Variants in NBPF3 observed in about 807,000 individuals in gnomAD.
The protein encoded by NBPF3 is NBPF member 3.
NBPF3 carries 57 observed loss-of-function variants against 78.1 expected under a neutral mutation model. The observed-to-expected ratio is 0.73, with a 90% CI of 0.59 to 0.91. NBPF3 has a LOEUF of 0.91. NBPF3 is among the 40% of genes least tolerant of loss of function. The probability of loss-of-function intolerance (pLI) is 0.00; values close to 1 mark genes in which losing one functional copy is unlikely to be tolerated. For missense variants in NBPF3, 510 were observed against 715.3 expected (o/e 0.71, Z 3.27); for synonymous variants, 182 against 271.7 (o/e 0.67, Z 3.25).
chr1:21,471,499 T>C (rs544778580), intron 4 of NBPF3, 70 bp from the exon 5 acceptor site: 6 of 1,607,988 alleles, frequency 3.7e-6, no homozygotes, highest in Non-Finnish European at 5.1e-6. Flanking sequence ...CAGAAATCTG[T>C]GTTGCAAAAT....
intron 11 of NBPF3, among the ~76,000 whole-genome samples, chr1:21,480,652 G>C (rs1368917464): frequency 2.6e-5 from 4 of 152,310 alleles, no homozygotes; most frequent in Admixed American, 2.6e-4. Flanking sequence ...TCTTTGAATT[G>C]ATGGGAGCAA....
At chr1:21,455,159 C>T (rs1418781080) in intron 2 of NBPF3, among the ~76,000 whole-genome samples, 2 of 152,222 alleles carry the variant, frequency 1.3e-5, no homozygotes, top group East Asian at 3.9e-4. Flanking sequence ...TCACATCTCT[C>T]CAGGAAGTCC....
At chr1:21,436,966 T>G (rs1037394510), upstream of NBPF3, 2 of 364,896 alleles carry the variant, frequency 5.5e-6, no homozygotes, top group African/African-American at 4.3e-5. This position sits in a 1 kb window ranked among gnomAD's most constrained non-coding sequence, Gnocchi z 4.3. Flanking sequence ...TGTCTGAGAG[T>G]GTCAGGATCC....
intron 11 of NBPF3, among the ~76,000 whole-genome samples, chr1:21,480,552 T>G (rs1205371973): frequency 6.6e-6 from 1 of 151,602 alleles, no homozygotes; most frequent in Non-Finnish European, 1.5e-5. Context: ...CATTCAAATT[T>G]CAGTGTCTTG....
intron 7 of NBPF3, among the ~76,000 whole-genome samples, chr1:21,474,449 CT>C (rs1028553939): frequency 1.3e-5 from 2 of 152,216 alleles, no homozygotes; most frequent in African/African-American, 4.8e-5. Context: ...AATGATTCAC[CT>C]TCCTTGACCT....
chr1:21,473,040 C>G (rs1570069558), intron 6 of NBPF3, 125 bp downstream of exon 6: 1 of 786,704 alleles, frequency 1.3e-6, no homozygotes, highest in African/African-American at 1.7e-5. Flanking sequence ...GTATGAGAAA[C>G]TCAAGCCAGC....
chr1:21,466,688 A>T (rs1239244518), intron 2 of NBPF3, among the ~76,000 whole-genome samples: 2 of 152,186 alleles, frequency 1.3e-5, no homozygotes, highest in Non-Finnish European at 2.9e-5. Flanking sequence ...AGGAATGTAT[A>T]CTCTTCCTAT....
intron 2 of NBPF3, chr1:21,459,865 C>G: frequency 4.1e-6 from 1 of 244,702 alleles, no homozygotes. Flanking sequence ...GAGTCCAGGA[C>G]CACAGTACAT....
At chr1:21,478,477 G>A (rs1250615822) in intron 9 of NBPF3, among the ~76,000 whole-genome samples, 170 bp downstream of exon 9, 11 of 152,210 alleles carry the variant, frequency 7.2e-5, no homozygotes, top group Admixed American at 1.3e-4. Flanking sequence ...AAGCACAGGC[G>A]TGGGGTGGGT....
chr1:21,446,587 C>T (rs1640998152), intron 2 of NBPF3: 1 of 145,268 alleles, frequency 6.9e-6, no homozygotes, highest in Non-Finnish European at 1.5e-5. Context: ...TCCCTCCCTC[C>T]CTTCTTTCCT....
At chr1:21,466,006 AAC>A (rs1327111136) in intron 2 of NBPF3, 1 of 513,914 alleles carries the variant, frequency 1.9e-6, no homozygotes, top group Non-Finnish European at 2.5e-6. Context: ...GGGAAGTGGA[AAC>A]ACAGCTGCCC....
rs770141393 is a variant in NBPF3 at position 21,468,641 on chromosome 1, T to C, written c.134-47T>C. 3 of 1,612,002 alleles carry C rather than the reference T, an allele frequency of 1.9e-6. No individual in the cohort carries two copies. The African/African-American group carries it at 4.0e-5, about 22-fold the overall frequency. ...CTCAGTCCTGATTAAACCTATTTGA[T>C]TTCACCAGTTTTTAACCCATCGTGT... On this transcript the variant is annotated intron_variant, in intron 2 of 14. Transcript: ENST00000318249.
At position 21,473,459 on chromosome 1, in the gene NBPF3, C is replaced by T. The variant is rs1382003908; in HGVS notation, c.814C>T (p.His272Tyr). The change falls in exon 7 of 15, where the codon CAC (histidine) becomes TAC (tyrosine). Residue 272 changes from histidine (H) to tyrosine (Y), a missense_variant. By Grantham distance (83) the His-to-Tyr change is moderately conservative. Around this residue, in one of 5 missense-constraint regions of NBPF3, gnomAD observed 440 missense variants for 478.2 expected, o/e 0.92. Transcript: ENST00000318249. ...ECAITCSNSH[H>Y]PCESNQPYGN... ...TGCCATCACTTGTTCAAATAGCCACCACCCTTGTGAGTCCAACCAGCCTTA... is the reference window on the plus strand; with the variant it reads ...TGCCATCACTTGTTCAAATAGCCACTACCCTTGTGAGTCCAACCAGCCTTA... 1.2e-6 allele frequency: 2 copies of T among 1,614,060 alleles called. No homozygotes were observed. Among genetic ancestry groups the T allele is most frequent in the African/African-American group, 1.3e-5 (1 of 74,910 alleles).
chr1:21,447,394 C>G (rs1415177541), intron 2 of NBPF3, among the ~76,000 whole-genome samples: 1 of 152,146 alleles, frequency 6.6e-6, no homozygotes, highest in Non-Finnish European at 1.5e-5. Context: ...GCTGAAAATT[C>G]CCTGTGCGTC....
At chr1:21,475,029 A>G (rs1449033963) in intron 8 of NBPF3, 78 bp downstream of exon 8, 1 of 1,300,566 alleles carries the variant, frequency 7.7e-7, no homozygotes, top group Non-Finnish European at 1.1e-6. Context: ...TGAGGAAGCA[A>G]TGAATAGAAC....
intron 1 of NBPF3, among the ~76,000 whole-genome samples, chr1:21,440,629 G>A (rs1640582291): frequency 6.6e-6 from 1 of 152,148 alleles, no homozygotes; most frequent in Non-Finnish European, 1.5e-5. Context: ...GCAGCTTCGG[G>A]GGCACGTCCT....
At chr1:21,453,297 A>G (rs3896850) in intron 2 of NBPF3, 9 of 151,632 alleles carry the variant, frequency 5.9e-5, no homozygotes, top group East Asian at 1.9e-4. Context: ...GCATCTGTCT[A>G]TTACTTCAGT....
At chr1:21,449,002 G>A (rs1641148711) in intron 2 of NBPF3, among the ~76,000 whole-genome samples, 1 of 152,146 alleles carries the variant, frequency 6.6e-6, no homozygotes, top group East Asian at 1.9e-4. Context: ...CATTGTCCAC[G>A]TACAACTCAA....
chr1:21,444,026 G>A (rs1248988125), intron 1 of NBPF3, among the ~76,000 whole-genome samples: 1 of 152,122 alleles, frequency 6.6e-6, no homozygotes, highest in Admixed American at 6.5e-5. Context: ...TTTTGTATGT[G>A]TTCAATCTGA....
Sources: gnomAD v4.1 joint callset for allele counts (sites outside exome capture counted in the v4.1 genomes callset) on GRCh38, gnomAD v4.1.1 for gene constraint, gnomAD v4.1.1 regional missense constraint, Gnocchi (gnomAD v3.1) non-coding constraint, MANE v1.5 for transcripts, NCBI Gene and HGNC (gene_info 2026-07-23, HGNC 2026-07-21) for gene names.